ADGRG7: variants seen among roughly 807,000 people sequenced by gnomAD.
ADGRG7 encodes the protein adhesion G protein-coupled receptor G7.
Under a neutral mutation model 88.6 loss-of-function variants are expected in ADGRG7, and 82 were observed. That is an observed-to-expected ratio of 0.93 (90% CI 0.77 to 1.11). The LOEUF is 1.11. ADGRG7 is among the 50% of genes most tolerant of loss of function. The pLI is 0.00. For missense variants in ADGRG7, 945 were observed against 953.4 expected (o/e 0.99, Z 0.12); for synonymous variants, 381 against 345.2 (o/e 1.10, Z -1.15).
At chr3:100,689,904 G>T (rs1343082467) in intron 15 of ADGRG7, among the ~76,000 whole-genome samples, 1 of 152,090 alleles carries the variant, frequency 6.6e-6, no homozygotes, top group Non-Finnish European at 1.5e-5. Flanking sequence ...TGTATTTCCT[G>T]AATCTGAATG....
In ADGRG7 at chr3:100,629,749, C is replaced by T. The variant is rs148882501; in HGVS notation, c.229+38C>T. Reference sequence around the variant, plus strand: ...GGATAATGCTAAAGTGTAAGGTTTACGTCACTCTTGTGTTAATAAGAATAG... The same window carrying T: ...GGATAATGCTAAAGTGTAAGGTTTATGTCACTCTTGTGTTAATAAGAATAG... On this transcript the variant is annotated intron_variant, in intron 2 of 15. Coordinates refer to ENST00000273352, the MANE Select transcript of ADGRG7 (RefSeq NM_032787.3). 4.5e-3 allele frequency: 5,996 copies of T among 1,338,576 alleles called. 23 individuals are homozygous for T. Among genetic ancestry groups the T allele is most frequent in the Middle Eastern group, 0.014 (79 of 5,472 alleles). The allele number at this position is 1,338,576 out of a possible 1,614,324, so 82.9% of individuals were successfully genotyped here. A position where few individuals can be genotyped will look rare whatever the true frequency, so the allele number is the denominator to read the frequency against.
chr3:100,643,877 G>T (rs539597047), intron 8 of ADGRG7, among the ~76,000 whole-genome samples: 5 of 152,186 alleles, frequency 3.3e-5, no homozygotes, highest in African/African-American at 1.2e-4. Flanking sequence ...GAAATGTTCA[G>T]GCCATGTACA....
chr3:100,610,073 G>A (rs1707125449), intron 1 of ADGRG7, 102 bp downstream of exon 1: 3 of 885,572 alleles, frequency 3.4e-6, no homozygotes, highest in African/African-American at 3.3e-5. Flanking sequence ...TGTCCAGTCT[G>A]AGGCATTCCA....
Position 100,682,404 on chromosome 3 carries a change from A to T in ADGRG7, c.2137-12340A>T, listed in dbSNP as rs16842543. Among the ~76,000 whole-genome samples, 1,012 of 152,194 alleles carry T rather than the reference A, an allele frequency of 6.6e-3. 11 individuals carry two copies. The highest frequency in any genetic ancestry group is 0.022 in the African/African-American group (917 of 41,520). On this transcript the variant is annotated intron_variant, in intron 15 of 15. Transcript: ENST00000273352. ...AGTGGGAGCAGTGCCCGCTTCGAGG[A>T]CCCAGCCAGCAACGTGGCCACCGCG...
chr3:100,611,509 C>G (rs1707154701), intron 1 of ADGRG7, among the ~76,000 whole-genome samples: 1 of 152,066 alleles, frequency 6.6e-6, no homozygotes, highest in Non-Finnish European at 1.5e-5. Flanking sequence ...AAGTTCAAGG[C>G]TTGGGGGGAG....
At chr3:100,673,022 G>T (rs4928075) in intron 15 of ADGRG7, among the ~76,000 whole-genome samples, 40,857 of 151,484 alleles carry the variant, frequency 0.27, 5,867 homozygotes, top group East Asian at 0.52. Flanking sequence ...AATTTTTTTT[G>T]TGTGTGTGTG....
At chr3:100,624,849 T>C (rs1366472226) in intron 1 of ADGRG7, among the ~76,000 whole-genome samples, 1 of 152,152 alleles carries the variant, frequency 6.6e-6, no homozygotes, top group East Asian at 1.9e-4. Flanking sequence ...TGTTTGTAGA[T>C]GTGTGGTGTT....
intron 15 of ADGRG7, among the ~76,000 whole-genome samples, chr3:100,677,354 A>G (rs933613248): frequency 6.6e-6 from 1 of 152,166 alleles, no homozygotes; most frequent in East Asian, 1.9e-4. Context: ...GAGAAAACTA[A>G]TAAAAACTCT....
chr3:100,635,632 C>A, intron 4 of ADGRG7, 45 bp from the exon 5 acceptor site: 1 of 1,599,230 alleles, frequency 6.3e-7, no homozygotes, highest in Non-Finnish European at 8.5e-7. Context: ...AGTGTTTGGA[C>A]ATAATTGTGT....
intron 14 of ADGRG7, among the ~76,000 whole-genome samples, chr3:100,662,880 A>T (rs922301960): frequency 3.3e-5 from 5 of 152,036 alleles, no homozygotes; most frequent in African/African-American, 9.7e-5. Context: ...GAAAAAAGAC[A>T]CTAAATAGGA....
intron 15 of ADGRG7, among the ~76,000 whole-genome samples, chr3:100,691,411 G>C (rs1413618655): frequency 1.3e-5 from 2 of 152,066 alleles, no homozygotes; most frequent in Non-Finnish European, 2.9e-5. Flanking sequence ...GATGAACCCG[G>C]TACCTCAGTT....
At chr3:100,632,251 G>A (rs1259701497) in intron 3 of ADGRG7, among the ~76,000 whole-genome samples, 3 of 151,826 alleles carry the variant, frequency 2.0e-5, no homozygotes, top group Non-Finnish European at 2.9e-5. Context: ...TTTTTATTTG[G>A]TTATTAATTT....
chr3:100,667,984 T>C (rs2094953923), intron 14 of ADGRG7, among the ~76,000 whole-genome samples: 1 of 152,156 alleles, frequency 6.6e-6, no homozygotes, highest in South Asian at 2.1e-4. Context: ...GCGCAGTATC[T>C]GTGTGGGAGT....
In ADGRG7 at chr3:100,688,024, G is replaced by C. The variant is rs182545259; in HGVS notation, c.2137-6720G>C. Among the ~76,000 whole-genome samples, 615 of 152,186 alleles carry C rather than the reference G, an allele frequency of 4.0e-3. 2 individuals carry two copies. The highest frequency in any genetic ancestry group is 7.7e-3 in the Non-Finnish European group (526 of 68,004). ...TCTGGTACTGGACTTTTTTTGGTTG[G>C]TAAGCTATTAATTATTGCCTCTATT... is the stretch of plus-strand genomic sequence containing the variant. On this transcript the variant is annotated intron_variant, in intron 15 of 15. Transcript: ENST00000273352.
intron 1 of ADGRG7, among the ~76,000 whole-genome samples, chr3:100,611,284 CTT>C: frequency 6.9e-6 from 1 of 144,852 alleles, no homozygotes; most frequent in African/African-American, 2.5e-5. Context: ...TCCTTCCTTC[CTT>C]CCTTCCTTCC....
chr3:100,641,612 C>A (rs981719969), intron 6 of ADGRG7, among the ~76,000 whole-genome samples: 1 of 151,354 alleles, frequency 6.6e-6, no homozygotes, highest in Non-Finnish European at 1.5e-5. Context: ...ACACGCTACA[C>A]GTGATTCAGT....
rs757459939 is a variant in ADGRG7, at chr3:100,643,300, T to C, written c.733T>C (p.Leu245=). Residue 245 remains leucine, a synonymous_variant, in exon 7 of 16, where the codon TTG becomes CTG. Transcript: ENST00000273352. ...IEQMETYSLS[L]GNQSVVEPNI... ...GCAAATGGAGACTTATTCCTTGTCT[T>C]TGGGTAATCAATCAGTGGTGGAACC... The C allele has an allele frequency of 3.7e-5, 59 of 1,613,840 alleles. No homozygotes were observed. Among genetic ancestry groups the C allele is most frequent in the Non-Finnish European group, 4.8e-5 (57 of 1,179,906 alleles).
Position 100,655,960 on chromosome 3 carries a change from T to C in ADGRG7, c.1788T>C (p.Asn596=). The stretch of plus-strand genomic sequence containing the variant: ...TTATTTATTCTCAGAATGGAAATAA[T>C]CCACAGTGGGAATTAGACTACCGGC... ...VGVIYSQNGN[N]PQWELDYRQE... The change falls in exon 13 of 16, where the codon AAT becomes AAC. Residue 596 remains asparagine (N), a synonymous_variant. Coordinates refer to ENST00000273352, the MANE Select transcript of ADGRG7 (RefSeq NM_032787.3). The C allele has an allele frequency of 1.2e-6, 2 of 1,609,754 alleles. No homozygotes were observed. Among genetic ancestry groups the C allele is most frequent in the Non-Finnish European group, 1.7e-6 (2 of 1,176,290 alleles).
intron 1 of ADGRG7, among the ~76,000 whole-genome samples, chr3:100,617,410 C>T (rs564644379): frequency 1.4e-4 from 21 of 146,938 alleles, no homozygotes; most frequent in African/African-American, 5.3e-4. Context: ...TGATGTTCCC[C>T]TTCCTGTGTC....
Sources: allele counts gnomAD v4.1 joint callset (sites outside exome capture counted in the v4.1 genomes callset), GRCh38; gene constraint gnomAD v4.1.1; transcripts MANE v1.5; gene names NCBI Gene and HGNC (gene_info 2026-07-23, HGNC 2026-07-21).